The following MYO1D variants were observed in gnomAD, a reference collection of about 807,000 sequenced individuals.
MYO1D encodes unconventional myosin-Id.
MYO1D carries 83 observed loss-of-function variants against 122.0 expected under a neutral mutation model. The ratio of observed to expected loss-of-function variants is 0.68; its 90% CI spans 0.57 to 0.82. The LOEUF is 0.82. Ranked by LOEUF, MYO1D falls within the 40% of genes least tolerant of loss-of-function variation. The pLI is 0.00. For missense variants in MYO1D, 1,157 were observed against 1,269.5 expected (o/e 0.91, Z 1.35); for synonymous variants, 464 against 446.9 (o/e 1.04, Z -0.48).
intron 10 of MYO1D, among the ~76,000 whole-genome samples, chr17:32,758,695 T>C (rs2089971500): frequency 6.6e-6 from 1 of 152,154 alleles, no homozygotes. Context: ...AATGTGTGTT[T>C]AAAATTTTCC....
chr17:32,763,187 A>G (rs554644573), intron 8 of MYO1D, among the ~76,000 whole-genome samples: 89 of 147,962 alleles, frequency 6.0e-4, no homozygotes, highest in Non-Finnish European at 1.2e-3. Flanking sequence ...CTCCATCTCA[A>G]AAAAAAAAAA....
intron 16 of MYO1D, among the ~76,000 whole-genome samples, chr17:32,692,311 T>C (rs1387623067): frequency 3.3e-5 from 5 of 152,246 alleles, no homozygotes; most frequent in Admixed American, 2.0e-4. Flanking sequence ...ACATTTGCTA[T>C]AGCAAGAAGA....
chr17:32,574,340 A>C (rs1352882790), intron 21 of MYO1D, among the ~76,000 whole-genome samples: 1 of 152,070 alleles, frequency 6.6e-6, no homozygotes. Context: ...TGATGCACCC[A>C]AGATGAAATT....
intron 17 of MYO1D, among the ~76,000 whole-genome samples, chr17:32,657,305 T>G (rs766024399): frequency 6.6e-5 from 10 of 152,224 alleles, no homozygotes; most frequent in Non-Finnish European, 1.3e-4. Context: ...ATCAAAAAAT[T>G]CCTGATAGTG....
chr17:32,857,413 A>G (rs1354810986), intron 1 of MYO1D, among the ~76,000 whole-genome samples: 2 of 152,130 alleles, frequency 1.3e-5, no homozygotes, highest in African/African-American at 2.4e-5. Flanking sequence ...GTGAAACCCC[A>G]TCTCTACTAA....
intron 16 of MYO1D, among the ~76,000 whole-genome samples, chr17:32,692,185 A>G (rs1204608430): frequency 1.3e-5 from 2 of 152,214 alleles, no homozygotes; most frequent in Admixed American, 1.3e-4. Context: ...TATTTCATAA[A>G]CTTTCTGTTT....
intron 21 of MYO1D, chr17:32,594,359 T>C (rs1173663936): frequency 2.4e-6 from 1 of 413,082 alleles, no homozygotes. Flanking sequence ...ATCAATTCTA[T>C]TTTCTGCAAT....
Position 32,695,643 on chromosome 17 carries a change from C to T in MYO1D, c.2121+16345G>A, listed in dbSNP as rs1439870607. Among the ~76,000 whole-genome samples the T allele has an allele frequency of 4.6e-5, 7 of 152,310 alleles. No individual in the cohort carries two copies. The East Asian group carries it at 1.4e-3, about 29-fold the overall frequency. ...ACAATGTAACAAATACCCCTATGCACAGCTGAGCTTGTAAGAAAGTAACGG... is the reference window on the plus strand; with the variant it reads ...ACAATGTAACAAATACCCCTATGCATAGCTGAGCTTGTAAGAAAGTAACGG... On this transcript the variant is annotated intron_variant, in intron 16 of 21. Transcript: ENST00000318217.
intron 21 of MYO1D, among the ~76,000 whole-genome samples, chr17:32,509,163 CATGTCCCGGCCTG>C (rs1909599154): frequency 6.6e-6 from 1 of 152,194 alleles, no homozygotes; most frequent in African/African-American, 2.4e-5. Flanking sequence ...AGGTGGGGTA[CATGTCCCGGCCTG>C]GTATCCTGCT....
At chr17:32,738,624 C>G (rs2089736765) in intron 13 of MYO1D, among the ~76,000 whole-genome samples, 1 of 152,102 alleles carries the variant, frequency 6.6e-6, no homozygotes, top group Non-Finnish European at 1.5e-5. Flanking sequence ...ATTATTTAAA[C>G]TTCTTTAAAG....
intron 20 of MYO1D, among the ~76,000 whole-genome samples, chr17:32,636,926 A>G (rs2088108403): frequency 6.6e-6 from 1 of 152,222 alleles, no homozygotes; most frequent in Admixed American, 6.5e-5. Flanking sequence ...CGGTATGGGC[A>G]GGGTGTTGAC....
intron 21 of MYO1D, among the ~76,000 whole-genome samples, chr17:32,563,896 T>A (rs886960453): frequency 2.0e-5 from 3 of 152,244 alleles, no homozygotes; most frequent in African/African-American, 7.2e-5. Flanking sequence ...CCCTTTTGAT[T>A]CAGTATGATG....
chr17:32,659,378 G>C, intron 16 of MYO1D, 40 bp from the exon 17 acceptor site: 1 of 1,594,788 alleles, frequency 6.3e-7, no homozygotes, highest in East Asian at 2.2e-5. Context: ...GTTATTGACC[G>C]GCTGAGTTGT....
chr17:32,799,896 A>C (rs1171265137), intron 1 of MYO1D, among the ~76,000 whole-genome samples: 1 of 152,226 alleles, frequency 6.6e-6, no homozygotes, highest in African/African-American at 2.4e-5. Context: ...AAGGACTTGA[A>C]TTGATATTTC....
chr17:32,512,756 T>C (rs919879032), intron 21 of MYO1D: 60 of 152,368 alleles, frequency 3.9e-4, no homozygotes, highest in African/African-American at 1.4e-3. Context: ...TGTCTCTCCT[T>C]CCTTTAATAA....
intron 16 of MYO1D, among the ~76,000 whole-genome samples, chr17:32,701,054 GATA>G (rs2050737249): frequency 6.6e-6 from 1 of 151,174 alleles, no homozygotes; most frequent in Non-Finnish European, 1.5e-5. Context: ...AAAGAAAAAA[GATA>G]ATAAGCATAA....
At chr17:32,767,804 A>G in intron 6 of MYO1D, 52 bp from the exon 7 acceptor site, 1 of 1,318,594 alleles carries the variant, frequency 7.6e-7, no homozygotes, top group Non-Finnish European at 1.1e-6. Context: ...ATGAGCATTA[A>G]AATTCAACAA....
intron 19 of MYO1D, among the ~76,000 whole-genome samples, chr17:32,643,524 T>G (rs2088236105): frequency 6.6e-6 from 1 of 152,212 alleles, no homozygotes; most frequent in South Asian, 2.1e-4. Flanking sequence ...CTACCTCTGG[T>G]AGCATTCAGC....
intron 16 of MYO1D, among the ~76,000 whole-genome samples, chr17:32,665,538 GTAATA>G (rs1168716469): frequency 6.6e-6 from 1 of 152,184 alleles, no homozygotes; most frequent in Admixed American, 6.5e-5. Context: ...CCTTGCTCTT[GTAATA>G]TTTCTTTTAA....
Sources: allele counts gnomAD v4.1 joint callset (sites outside exome capture counted in the v4.1 genomes callset), GRCh38; gene constraint gnomAD v4.1.1; transcripts MANE v1.5; gene names NCBI Gene and HGNC (gene_info 2026-07-23, HGNC 2026-07-21).